The following SLC19A2 variants were observed in gnomAD, a reference collection of about 807,000 sequenced individuals.
SLC19A2 encodes thiamine transporter 1.
In SLC19A2, 27 loss-of-function variants were observed where a neutral mutation model predicts 44.7. The observed-to-expected ratio is 0.60, with a 90% CI of 0.45 to 0.83. SLC19A2 has a LOEUF of 0.83. Ranked by LOEUF, SLC19A2 falls within the 40% of genes least tolerant of loss-of-function variation. The pLI is 0.00. For synonymous variants in SLC19A2, 239 were observed against 243.6 expected (o/e 0.98, Z 0.18); for missense variants, 566 against 613.7 (o/e 0.92, Z 0.82).
rs775393998 is a variant in SLC19A2 at position 169,468,803 on chromosome 1, TTTA to T, written c.1061_1063del (p.Ile354del). 4.2e-5 allele frequency: 68 copies of T among 1,613,946 alleles called. No homozygotes were observed. The Middle Eastern group carries it at 8.2e-4, about 20-fold the overall frequency. The stretch of plus-strand genomic sequence containing the variant: ...TTCTCCCCAAGTTGACCAGGATATT[TTTA>T]TATAACCAACTGCAAACACAGCAAC... On this transcript the variant is annotated inframe_deletion, in exon 4 of 6. Transcript: ENST00000236137.
intron 5 of SLC19A2, 44 bp from the exon 6 acceptor site, chr1:169,466,021 G>A (rs1657978499): frequency 6.2e-7 from 1 of 1,608,726 alleles, no homozygotes; most frequent in South Asian, 1.1e-5. Context: ...AATGACAAGA[G>A]GATTACTCTA....
chr1:169,485,626 C>T lies in SLC19A2; in HGVS notation c.141G>A (p.Arg47=). ...LCAYGFFASL[R]PSEPFLTPYL... ...ACGGGGTCAGGAAGGGCTCGGACGGCCTGAGGCTGGCGAAGAAGCCGTAGG... is the reference window on the plus strand; with the variant it reads ...ACGGGGTCAGGAAGGGCTCGGACGGTCTGAGGCTGGCGAAGAAGCCGTAGG... Residue 47 remains arginine (R), a synonymous_variant, in exon 1 of 6, where the codon AGG becomes AGA. Transcript: ENST00000236137. The T allele has an allele frequency of 6.4e-7, 1 of 1,567,844 alleles. No homozygotes were observed. Among genetic ancestry groups the T allele is most frequent in the Middle Eastern group, 1.7e-4 (1 of 5,864 alleles).
rs777941472 is a variant in SLC19A2, at chr1:169,485,665, G to A, written c.102C>T (p.Thr34=). Residue 34 remains threonine, a synonymous_variant, in exon 1 of 6, where the codon ACC becomes ACT. Transcript: ENST00000236137. The part of the protein sequence containing the change: ...RVRRECWFLP[T]ALLCAYGFFA... Reference sequence around the variant, plus strand: ...AGAAGCCGTAGGCGCAGAGCAGCGCGGTCGGCAAGAACCAGCATTCGCGAC... The same window carrying A: ...AGAAGCCGTAGGCGCAGAGCAGCGCAGTCGGCAAGAACCAGCATTCGCGAC... The A allele has an allele frequency of 6.4e-7, 1 of 1,552,960 alleles. No homozygotes were observed. The highest frequency in any genetic ancestry group is 1.9e-5 in the Admixed American group (1 of 51,510).
intron 5 of SLC19A2, among the ~76,000 whole-genome samples, chr1:169,467,851 A>C (rs994464847): frequency 3.2e-4 from 48 of 152,208 alleles, no homozygotes; most frequent in African/African-American, 1.2e-3. Context: ...TAAGGAATCA[A>C]TATTACCTCT....
intron 2 of SLC19A2, among the ~76,000 whole-genome samples, chr1:169,470,613 C>T (rs939924834): frequency 6.6e-6 from 1 of 152,044 alleles, no homozygotes; most frequent in African/African-American, 2.4e-5. Flanking sequence ...ACTGATCCAA[C>T]AGTTAAGATA....
intron 2 of SLC19A2, among the ~76,000 whole-genome samples, chr1:169,471,057 TACCAAAAAAAAAAAAA>T (rs1229368155): frequency 9.3e-6 from 1 of 107,962 alleles, no homozygotes; most frequent in African/African-American, 3.0e-5. Flanking sequence ...ATCCTATCTC[TACCAAAAAAAAAAAAA>T]ACCCACAGAA....
In SLC19A2 at chr1:169,477,376, TAA is replaced by T. The variant is rs763099442; in HGVS notation, c.584_585del (p.Leu195HisfsTer45). On this transcript the variant is annotated frameshift_variant, in exon 2 of 6. Transcript: ENST00000236137. LOFTEE classifies it high-confidence loss of function. ...WSLFSLNVIS[L>X]TCVSVAFAVA... ...ACAGCAAAAGCCACTGAAACACAGG[TAA>T]GAGAGATGACATTCAGGCTGAACAG... The T allele has an allele frequency of 1.2e-6, 2 of 1,614,076 alleles. No individual in the cohort carries two copies. The highest frequency in any genetic ancestry group is 2.2e-5 in the South Asian group (2 of 91,080).
At chr1:169,468,902 C>T in intron 3 of SLC19A2, 66 bp from the exon 4 acceptor site, 2 of 1,429,538 alleles carry the variant, frequency 1.4e-6, no homozygotes, top group Non-Finnish European at 2.0e-6. Flanking sequence ...AAATTAAAAA[C>T]TCAGCTTAGA....
At chr1:169,471,463 C>CCACACACACA (rs59833853) in intron 2 of SLC19A2, among the ~76,000 whole-genome samples, 2 of 117,972 alleles carry the variant, frequency 1.7e-5, no homozygotes, top group African/African-American at 3.5e-5. Flanking sequence ...GATCCCGTCT[C>CCACACACACA]CACACACACA....
chr1:169,466,457 AG>A (rs1290237463), intron 5 of SLC19A2, among the ~76,000 whole-genome samples: 1 of 152,160 alleles, frequency 6.6e-6, no homozygotes, highest in Non-Finnish European at 1.5e-5. Context: ...TTTCCCCAGA[AG>A]AGGGCAGCGG....
At chr1:169,476,987 C>G (rs1277408754) in intron 2 of SLC19A2, among the ~76,000 whole-genome samples, 168 bp downstream of exon 2, 2 of 152,062 alleles carry the variant, frequency 1.3e-5, no homozygotes, top group Non-Finnish European at 2.9e-5. Flanking sequence ...TATAAATAAA[C>G]CATAGCTTGA....
At chr1:169,466,526 ATT>A (rs11325398) in intron 5 of SLC19A2, among the ~76,000 whole-genome samples, 4 of 149,134 alleles carry the variant, frequency 2.7e-5, no homozygotes, top group African/African-American at 4.9e-5. Flanking sequence ...CCCTAAGACA[ATT>A]TTTTTTTTTT....
Position 169,465,897 on chromosome 1 carries a change from A to G in SLC19A2, c.1446T>C (p.Cys482=), listed in dbSNP as rs763547290. The change falls in exon 6 of 6, where the codon TGT becomes TGC. Residue 482 remains cysteine (C), a synonymous_variant. Coordinates refer to ENST00000236137, the MANE Select transcript of SLC19A2 (RefSeq NM_006996.3). Reference sequence around the variant, plus strand: ...TTGATTGTGGATCTTCCAGCTTTCTACATTTCTTCATAACACTGACTGCAC... The same window carrying G: ...TTGATTGTGGATCTTCCAGCTTTCTGCATTTCTTCATAACACTGACTGCAC... ...ASGAVSVMKK[C]RKLEDPQSSS... is the part of the protein sequence containing the mutation. 9.9e-6 allele frequency: 16 copies of G among 1,614,104 alleles called. No individual in the cohort carries two copies. The highest frequency in any genetic ancestry group is 2.7e-5 in the African/African-American group (2 of 75,042).
At chr1:169,467,967 G>A in intron 5 of SLC19A2, 144 bp downstream of exon 5, 1 of 778,656 alleles carries the variant, frequency 1.3e-6, no homozygotes, top group Non-Finnish European at 2.2e-6. Flanking sequence ...TAGGGGAGAA[G>A]ATGTTGAATG....
intron 1 of SLC19A2, 139 bp downstream of exon 1, chr1:169,485,424 C>G (rs1475795749): frequency 5.4e-6 from 5 of 926,022 alleles, no homozygotes; most frequent in South Asian, 1.4e-5. Flanking sequence ...AAGAAGAGCA[C>G]GAAGCCGACC....
chr1:169,478,884 A>T (rs1439765964), intron 1 of SLC19A2, among the ~76,000 whole-genome samples: 1 of 151,854 alleles, frequency 6.6e-6, no homozygotes, highest in Non-Finnish European at 1.5e-5. Flanking sequence ...TTATGATCAC[A>T]CCACTACACT....
chr1:169,485,541 G>A, intron 1 of SLC19A2, 22 bp downstream of exon 1: 1 of 1,569,440 alleles, frequency 6.4e-7, no homozygotes, highest in Non-Finnish European at 8.6e-7. Context: ...CCCTTCCCGC[G>A]CCCCGCGTCC....
At chr1:169,466,014 G>T (rs1417816052) in intron 5 of SLC19A2, 37 bp from the exon 6 acceptor site, 2 of 1,611,468 alleles carry the variant, frequency 1.2e-6, no homozygotes, top group East Asian at 2.2e-5. Context: ...AATTATCAAT[G>T]ACAAGAGGAT....
Position 169,485,646 on chromosome 1 carries a change from C to A in SLC19A2, c.121G>T (p.Gly41Cys), listed in dbSNP as rs867837947. 6.4e-7 allele frequency: 1 copy of A among 1,558,146 alleles called. No individual in the cohort carries two copies. Among genetic ancestry groups the A allele is most frequent in the Non-Finnish European group, 8.7e-7 (1 of 1,151,352 alleles). The change falls in exon 1 of 6, where the codon GGC becomes TGC. Residue 41 changes from glycine (G) to cysteine (C), a missense_variant. By Grantham distance (159) the Gly-to-Cys change is radical. Transcript: ENST00000236137. ...FLPTALLCAYGFFASLRPSEP... is the reference protein window; with the variant it reads ...FLPTALLCAYCFFASLRPSEP... Reference sequence around the variant, plus strand: ...GACGGCCTGAGGCTGGCGAAGAAGCCGTAGGCGCAGAGCAGCGCGGTCGGC... The same window carrying A: ...GACGGCCTGAGGCTGGCGAAGAAGCAGTAGGCGCAGAGCAGCGCGGTCGGC...
Sources: gnomAD v4.1 joint callset for allele counts (sites outside exome capture counted in the v4.1 genomes callset) on GRCh38, gnomAD v4.1.1 for gene constraint, MANE v1.5 for transcripts, NCBI Gene and HGNC (gene_info 2026-07-23, HGNC 2026-07-21) for gene names.